SLC28A1: variants seen among roughly 807,000 people sequenced by gnomAD.
SLC28A1 encodes sodium/nucleoside cotransporter 1.
Under a neutral mutation model 74.8 loss-of-function variants are expected in SLC28A1, and 64 were observed. The ratio of observed to expected loss-of-function variants is 0.86; its 90% CI spans 0.70 to 1.05. The LOEUF is 1.05. Among genes scored for constraint, SLC28A1 ranks in the 50% least tolerant of loss-of-function variants. The pLI is 0.00. For synonymous variants in SLC28A1, 359 were observed against 335.0 expected (o/e 1.07, Z -0.78); for missense variants, 828 against 822.8 (o/e 1.01, Z -0.08).
At chr15:84,930,437 G>T (rs1011048974) in intron 12 of SLC28A1, among the ~76,000 whole-genome samples, 2 of 152,142 alleles carry the variant, frequency 1.3e-5, no homozygotes, top group Non-Finnish European at 2.9e-5. Context: ...GCCAATTCTT[G>T]TTCACATTTT....
intron 9 of SLC28A1, among the ~76,000 whole-genome samples, chr15:84,911,131 C>A (rs560098159): frequency 2.8e-4 from 42 of 152,174 alleles, no homozygotes; most frequent in Non-Finnish European, 5.4e-4. Flanking sequence ...AGAGCGCCTT[C>A]CCCCGCCCAC....
At chr15:84,956,095 C>CT in the SLC28A1 span, among the ~76,000 whole-genome samples, 1 of 152,222 alleles carries the variant, frequency 6.6e-6, no homozygotes, top group Admixed American at 6.5e-5. Context: ...CCTTCAAACT[C>CT]TTTCAGTCAT....
the SLC28A1 span, among the ~76,000 whole-genome samples, chr15:84,962,717 T>C: frequency 6.6e-6 from 1 of 152,058 alleles, no homozygotes; most frequent in Non-Finnish European, 1.5e-5. Context: ...GGGTGGGCCT[T>C]TGAGAGCAGG....
At chr15:84,941,119 T>A (rs1392747789) in intron 15 of SLC28A1, 1 of 152,348 alleles carries the variant, frequency 6.6e-6, no homozygotes, top group Non-Finnish European at 1.5e-5. Context: ...CTTCTTAGGG[T>A]CTCTTCTGCC....
rs1567181458 is a variant in SLC28A1, at chr15:84,935,435, G to A, written c.1498G>A (p.Ala500Thr). ...CAAGCTGTTTCTGAACGAGTTTGTG[G>A]CCTATCAAGACCTCTCCAAGTACAA... Reference protein sequence around the residue: ...GIKLFLNEFVAYQDLSKYKQR... With the variant: ...GIKLFLNEFVTYQDLSKYKQR... Residue 500 changes from alanine (A) to threonine (T), a missense_variant, in exon 15 of 19, where the codon GCC becomes ACC. Ala to Thr is a moderately conservative substitution (Grantham distance 58). Transcript: ENST00000394573. 2 of 1,614,222 alleles carry A rather than the reference G, an allele frequency of 1.2e-6. No individual in the cohort carries two copies.
rs1966854731 is a variant in SLC28A1, at chr15:84,904,175, G to A, written c.540G>A (p.Val180=). 1 of 1,614,220 alleles carries A rather than the reference G, an allele frequency of 6.2e-7. No homozygotes were observed. The highest frequency in any genetic ancestry group is 8.5e-7 in the Non-Finnish European group (1 of 1,180,048). The part of the protein sequence containing the change: ...LDTSQRPEQL[V]SFAGICVFVA... ...CCTCCCAGCGGCCTGAGCAACTGGT[G>A]TCCTTCGCAGGAATCTGCGTGTTCG... Residue 180 remains valine, a synonymous_variant, in exon 7 of 19, where the codon GTG becomes GTA. Transcript: ENST00000394573.
At chr15:84,959,262 G>A in the SLC28A1 span, among the ~76,000 whole-genome samples, 1 of 151,972 alleles carries the variant, frequency 6.6e-6, no homozygotes, top group Non-Finnish European at 1.5e-5. Context: ...TTGCCACCAT[G>A]CCCAGCTAAT....
downstream of SLC28A1, among the ~76,000 whole-genome samples, chr15:84,947,559 A>G (rs1372217641): frequency 6.6e-6 from 1 of 152,228 alleles, no homozygotes; most frequent in Non-Finnish European, 1.5e-5. Flanking sequence ...ATAGCTTATA[A>G]ACAACAGAAA....
chr15:84,965,652 A>G, the SLC28A1 span, among the ~76,000 whole-genome samples: 5 of 152,198 alleles, frequency 3.3e-5, no homozygotes, highest in South Asian at 8.3e-4. Flanking sequence ...AGAGAGGGCC[A>G]TGCACTTCTT....
At position 84,928,530 on chromosome 15, in the gene SLC28A1, CTTTCTTTCTTTCTTT is replaced by C. The variant is rs1970782145; in HGVS notation, c.1083+4421_1083+4435del. Among the ~76,000 whole-genome samples the C allele has an allele frequency of 2.9e-4, 2 of 6,792 alleles. 1 individual carries two copies. The highest frequency in any genetic ancestry group is 2.3e-3 in the Admixed American group (2 of 856). The allele number at this position is 6,792 out of a possible 152,430, so 4.5% of individuals were successfully genotyped here. ...CTTCAAGCTCCCAGGTTCGTTCGTTCTTTCTTTCTTTCTTTCTTTCTTTCTTTCTTTCTTTCTTTC... is the reference window on the plus strand; with the variant it reads ...CTTCAAGCTCCCAGGTTCGTTCGTTCCTTTCTTTCTTTCTTTCTTTCTTTC... On this transcript the variant is annotated intron_variant, in intron 12 of 18. Transcript: ENST00000394573.
chr15:84,971,058 G>A, the SLC28A1 span, among the ~76,000 whole-genome samples: 15 of 152,136 alleles, frequency 9.9e-5, no homozygotes, highest in Non-Finnish European at 2.2e-4. Flanking sequence ...TCTGCTGTTT[G>A]TTGATCTCAG....
intron 6 of SLC28A1, among the ~76,000 whole-genome samples, chr15:84,898,163 A>G (rs1309933264): frequency 2.0e-5 from 3 of 151,852 alleles, no homozygotes; most frequent in Non-Finnish European, 4.4e-5. Flanking sequence ...CAGTAGTGGA[A>G]TTACCGAATC....
intron 18 of SLC28A1, 32 bp downstream of exon 18, chr15:84,944,899 A>C (rs1567194405): frequency 1.4e-6 from 2 of 1,438,518 alleles, no homozygotes; most frequent in Admixed American, 3.3e-5. Context: ...CCTGCAGGGC[A>C]CCCACAGTGA....
intron 12 of SLC28A1, among the ~76,000 whole-genome samples, chr15:84,929,774 A>C (rs1335470619): frequency 1.3e-5 from 2 of 152,176 alleles, no homozygotes; most frequent in African/African-American, 4.8e-5. Flanking sequence ...AAGTGGGAGG[A>C]TCACTTGAGC....
At chr15:84,920,318 T>C (rs1221098820) in intron 10 of SLC28A1, among the ~76,000 whole-genome samples, 1 of 151,996 alleles carries the variant, frequency 6.6e-6, no homozygotes, top group Non-Finnish European at 1.5e-5. Context: ...TGGTGGCGAG[T>C]GCCTGTAGTC....
At chr15:84,961,718 A>G in the SLC28A1 span, 2 of 320,602 alleles carry the variant, frequency 6.2e-6, no homozygotes, top group Non-Finnish European at 1.2e-5. Flanking sequence ...ACAGTTAATT[A>G]ATACAGCAGC....
At chr15:84,938,725 G>A (rs1046356586) in intron 15 of SLC28A1, among the ~76,000 whole-genome samples, 1 of 151,634 alleles carries the variant, frequency 6.6e-6, no homozygotes, top group African/African-American at 2.4e-5. Context: ...ACCACAATTC[G>A]TGGTAAGTTC....
chr15:84,960,439 G>T, the SLC28A1 span, among the ~76,000 whole-genome samples: 1 of 151,726 alleles, frequency 6.6e-6, no homozygotes, highest in Non-Finnish European at 1.5e-5. Flanking sequence ...TGCATTTTTA[G>T]TAGAAACAGG....
chr15:84,932,382 A>G (rs1444909705), intron 12 of SLC28A1, among the ~76,000 whole-genome samples: 1 of 152,212 alleles, frequency 6.6e-6, no homozygotes, highest in Non-Finnish European at 1.5e-5. Context: ...ATAAAACTTC[A>G]GGAAGGGAGA....
Sources: allele counts gnomAD v4.1 joint callset (sites outside exome capture counted in the v4.1 genomes callset), GRCh38; gene constraint gnomAD v4.1.1; transcripts MANE v1.5; gene names NCBI Gene and HGNC (gene_info 2026-07-23, HGNC 2026-07-21).